Variants in BICD1 observed in about 807,000 individuals in gnomAD.
BICD1 encodes the protein protein bicaudal D homolog 1.
BICD1 carries 35 observed loss-of-function variants against 92.5 expected under a neutral mutation model. That is an observed-to-expected ratio of 0.38 (90% CI 0.29 to 0.50). The LOEUF is 0.50. Ranked by LOEUF, BICD1 falls within the 20% of genes least tolerant of loss-of-function variation. The pLI, the probability that BICD1 is intolerant of heterozygous loss-of-function variation, is 0.93. For missense variants in BICD1, 950 were observed against 1,189.8 expected, an observed-to-expected ratio of 0.80 and a Z score of 2.97; for synonymous variants, 429 against 465.1, an observed-to-expected ratio of 0.92 and a Z score of 1.00.
At chr12:32,376,721 G>T (rs1362622328) in intron 9 of BICD1, among the ~76,000 whole-genome samples, 1 of 151,734 alleles carries the variant, frequency 6.6e-6, no homozygotes, top group Non-Finnish European at 1.5e-5. Flanking sequence ...TACAAAAATT[G>T]GCAGGGCATG....
intron 1 of BICD1, among the ~76,000 whole-genome samples, chr12:32,206,701 ATTGTT>A (rs1276334790): frequency 6.6e-6 from 1 of 152,234 alleles, no homozygotes; most frequent in Non-Finnish European, 1.5e-5. Context: ...TCACAGCTAC[ATTGTT>A]TATAATAGCA....
intron 2 of BICD1, among the ~76,000 whole-genome samples, chr12:32,216,822 G>T (rs1017964954): frequency 6.6e-6 from 1 of 152,336 alleles, no homozygotes; most frequent in Admixed American, 6.5e-5. Context: ...CTCTGTATCT[G>T]CCTGATTTCC....
chr12:32,275,140 A>G (rs1231045695), intron 2 of BICD1, among the ~76,000 whole-genome samples: 2 of 152,176 alleles, frequency 1.3e-5, no homozygotes, highest in Non-Finnish European at 2.9e-5. Context: ...TGAGGGATTA[A>G]CTTTTAATCC....
chr12:32,269,208 C>G (rs1246976062), intron 2 of BICD1, among the ~76,000 whole-genome samples: 10 of 151,978 alleles, frequency 6.6e-5, no homozygotes, highest in Non-Finnish European at 1.3e-4. Flanking sequence ...TATATTAATA[C>G]TGAATGACAA....
chr12:32,165,342 C>T (rs1298275935), intron 1 of BICD1, among the ~76,000 whole-genome samples: 4 of 152,042 alleles, frequency 2.6e-5, no homozygotes, highest in Middle Eastern at 3.2e-3. Context: ...GGTGAAACAC[C>T]GTCTCTACTG....
At chr12:32,374,610 C>T (rs1307392559) in intron 9 of BICD1, among the ~76,000 whole-genome samples, 2 of 148,676 alleles carry the variant, frequency 1.3e-5, no homozygotes, top group African/African-American at 4.9e-5. Flanking sequence ...TCTTGTTACC[C>T]AGGCTGGAGT....
chr12:32,142,436 A>AAAAAAC (rs1942962101), intron 1 of BICD1, among the ~76,000 whole-genome samples: 1 of 10,716 alleles, frequency 9.3e-5, no homozygotes, highest in African/African-American at 4.3e-4. Flanking sequence ...AAAAAACAAA[A>AAAAAAC]AACCCCACCT....
chr12:32,264,864 C>A (rs1946948045), intron 2 of BICD1, among the ~76,000 whole-genome samples: 1 of 152,134 alleles, frequency 6.6e-6, no homozygotes, highest in African/African-American at 2.4e-5. Context: ...ATTTTAGCCC[C>A]TAAGAGGCAG....
At position 32,304,825 on chromosome 12, in the gene BICD1, CTGGGCA is replaced by C. The variant is rs1948168162; in HGVS notation, c.580-871_580-866del. 5.3e-5 allele frequency among the ~76,000 whole-genome samples: 8 copies of C among 152,130 alleles called. No homozygotes were observed. In the South Asian group the frequency reaches 1.7e-3, roughly 32 times the overall value. ...TTGAGCCCAGGAGTTCAAGAGCAGC[CTGGGCA>C]ATACAGTGAGACCGTCTCTACAAGA... On this transcript the variant is annotated intron_variant, in intron 3 of 9. Coordinates refer to ENST00000652176, the MANE Select transcript of BICD1 (RefSeq NM_001714.4).
chr12:32,363,848 T>C (rs893510629), intron 8 of BICD1, among the ~76,000 whole-genome samples: 2 of 152,180 alleles, frequency 1.3e-5, no homozygotes, highest in Non-Finnish European at 2.9e-5. Context: ...TACCTCCTAG[T>C]GGAGTTTGTC....
At position 32,198,145 on chromosome 12, in the gene BICD1, C is replaced by T. The variant is rs541828479; in HGVS notation, c.214-18102C>T. Among the ~76,000 whole-genome samples, 10 of 151,304 alleles carry T rather than the reference C, an allele frequency of 6.6e-5. No homozygotes were observed. In the East Asian group the frequency reaches 1.4e-3, roughly 21 times the overall value. ...GCTTGAACCTGGGAGGCAGAGGTTGCGGTGAGCTGAGATCGTGCCATTGTA... is the reference window on the plus strand; with the variant it reads ...GCTTGAACCTGGGAGGCAGAGGTTGTGGTGAGCTGAGATCGTGCCATTGTA... On this transcript the variant is annotated intron_variant, in intron 1 of 9. Transcript: ENST00000652176.
intron 2 of BICD1, among the ~76,000 whole-genome samples, chr12:32,231,238 T>G (rs1945877161): frequency 6.6e-6 from 1 of 152,122 alleles, no homozygotes; most frequent in Admixed American, 6.5e-5. Context: ...ATCCCAGCAC[T>G]TTGGGAGGTC....
intron 4 of BICD1, 50 bp downstream of exon 4, chr12:32,306,172 G>A: frequency 2.0e-6 from 3 of 1,476,770 alleles, no homozygotes; most frequent in Non-Finnish European, 1.8e-6. Flanking sequence ...TAGATTGCAG[G>A]TAGCATGTTG....
At chr12:32,363,732 C>T (rs1379381780) in intron 8 of BICD1, among the ~76,000 whole-genome samples, 1 of 152,120 alleles carries the variant, frequency 6.6e-6, no homozygotes, top group Non-Finnish European at 1.5e-5. Context: ...GCTGTGAGGT[C>T]CTGTAACACC....
chr12:32,351,947 C>T (rs1198906676), intron 8 of BICD1, among the ~76,000 whole-genome samples: 3 of 151,476 alleles, frequency 2.0e-5, no homozygotes, highest in East Asian at 3.9e-4. Flanking sequence ...TGGCTCACAC[C>T]TGTAATCCCA....
chr12:32,312,843 G>A (rs887165251), intron 4 of BICD1, among the ~76,000 whole-genome samples: 2 of 152,174 alleles, frequency 1.3e-5, no homozygotes, highest in African/African-American at 4.8e-5. Flanking sequence ...AAGTTTTTCA[G>A]AGTATTATCG....
chr12:32,204,447 A>G (rs1216381773), intron 1 of BICD1, among the ~76,000 whole-genome samples: 2 of 152,166 alleles, frequency 1.3e-5, no homozygotes, highest in Middle Eastern at 3.2e-3. Context: ...ACCAGGTGAT[A>G]CTGTTTCACA....
chr12:32,263,394 A>G (rs559543124), intron 2 of BICD1, among the ~76,000 whole-genome samples: 1 of 151,990 alleles, frequency 6.6e-6, no homozygotes, highest in African/African-American at 2.4e-5. Context: ...TAAAAATACA[A>G]AAATTGGCCA....
intron 2 of BICD1, among the ~76,000 whole-genome samples, chr12:32,268,953 C>T (rs7958104): frequency 0.19 from 29,260 of 151,976 alleles, 3,628 homozygotes; most frequent in African/African-American, 0.36. Flanking sequence ...GATTTTTCTT[C>T]TTTGGACTAC....
Sources: gnomAD v4.1 joint callset for allele counts (sites outside exome capture counted in the v4.1 genomes callset) on GRCh38, gnomAD v4.1.1 for gene constraint, MANE v1.5 for transcripts, NCBI Gene and HGNC (gene_info 2026-07-23, HGNC 2026-07-21) for gene names.